The following GNB5 variants were observed in gnomAD, a reference collection of about 807,000 sequenced individuals.
GNB5 encodes the protein G protein subunit beta 5, also known as guanine nucleotide-binding protein subunit beta-5.
A neutral mutation model predicts 55.3 loss-of-function variants in GNB5; 37 were observed. That is an observed-to-expected ratio of 0.67 (90% CI 0.51 to 0.88). The LOEUF is 0.88. GNB5 is among the 40% of genes least tolerant of loss of function. GNB5 has a pLI of 0.00. For missense variants in GNB5, 476 were observed against 515.3 expected, an observed-to-expected ratio of 0.92 and a Z score of 0.74; for synonymous variants, 219 against 198.5, an observed-to-expected ratio of 1.10 and a Z score of -0.87.
intron 12 of GNB5, 98 bp from the exon 13 acceptor site, chr15:52,122,866 A>G: frequency 1.2e-6 from 1 of 842,500 alleles, no homozygotes; most frequent in Non-Finnish European, 2.1e-6. Flanking sequence ...ACACACATGC[A>G]TGGGCATACA....
rs1265981112 is a variant in GNB5 at position 52,115,181 on chromosome 15, G to A, written c.*7576C>T. ...ATTAAACTTTAGCAGCAAGAACATT[G>A]TTTTCTCTTAGATTTGCAGTAGCTT... On this transcript the variant is annotated 3_prime_UTR_variant, in exon 13 of 13. Coordinates refer to ENST00000261837, the MANE Select transcript of GNB5 (RefSeq NM_016194.4). 2.6e-5 allele frequency: 4 copies of A among 152,198 alleles called. No individual in the cohort carries two copies. Among genetic ancestry groups the A allele is most frequent in the African/African-American group, 9.7e-5 (4 of 41,450 alleles). 9.4% of individuals were successfully genotyped at this position (152,198 alleles called of 1,614,324 possible).
chr15:52,160,455 G>A (rs2034308245), intron 3 of GNB5, among the ~76,000 whole-genome samples: 2 of 152,182 alleles, frequency 1.3e-5, no homozygotes, highest in South Asian at 4.1e-4. Context: ...GACCCGGAGA[G>A]CAACGGGGCT....
At chr15:52,173,203 G>A (rs1239285105) in intron 3 of GNB5, among the ~76,000 whole-genome samples, 1 of 152,198 alleles carries the variant, frequency 6.6e-6, no homozygotes, top group African/African-American at 2.4e-5. Context: ...GAGTGATGAA[G>A]TGAACAATGA....
chr15:52,165,862 A>C (rs2034440860), intron 3 of GNB5, among the ~76,000 whole-genome samples: 1 of 152,220 alleles, frequency 6.6e-6, no homozygotes, highest in Non-Finnish European at 1.5e-5. Context: ...TTAAATGTAA[A>C]TGGGCTAAAT....
intron 11 of GNB5, chr15:52,125,715 A>G: frequency 2.5e-6 from 1 of 405,822 alleles, no homozygotes; most frequent in Non-Finnish European, 4.4e-6. Flanking sequence ...CTTGAAGGAC[A>G]GCATTAGGTG....
At chr15:52,153,301 G>A (rs1035494173) in intron 4 of GNB5, among the ~76,000 whole-genome samples, 3 of 152,200 alleles carry the variant, frequency 2.0e-5, no homozygotes, top group African/African-American at 4.8e-5. Context: ...CACCCTGGAA[G>A]TGAGTCTCCA....
intron 7 of GNB5, chr15:52,136,910 A>G (rs745827979): frequency 1.3e-4 from 56 of 438,154 alleles, no homozygotes; most frequent in Admixed American, 1.1e-3. Context: ...AAGTAAAAAT[A>G]ACTTAACTGC....
At chr15:52,138,314 C>T (rs537355439) in intron 7 of GNB5, 145 of 196,168 alleles carry the variant, frequency 7.4e-4, no homozygotes, top group African/African-American at 3.3e-3. Context: ...ACCTGGGAGG[C>T]GGAGGTTGCA....
At chr15:52,188,934 G>A (rs2034881646) in intron 1 of GNB5, among the ~76,000 whole-genome samples, 2 of 152,186 alleles carry the variant, frequency 1.3e-5, no homozygotes, top group South Asian at 4.1e-4. Flanking sequence ...AGCTTTGGTA[G>A]TCATGCAAAT....
At chr15:52,126,848 G>A (rs1386662946) in intron 10 of GNB5, among the ~76,000 whole-genome samples, 2 of 152,172 alleles carry the variant, frequency 1.3e-5, no homozygotes, top group East Asian at 3.8e-4. Flanking sequence ...AGGCTGGAGT[G>A]CAATGGCGCT....
rs989100128 is a variant in GNB5 at position 52,119,576 on chromosome 15, T to G, written c.*3181A>C. 6.7e-6 allele frequency: 1 copy of G among 149,824 alleles called. No homozygotes were observed. 9.3% of individuals were successfully genotyped at this position (149,824 alleles called of 1,614,324 possible). A position where few individuals can be genotyped will look rare whatever the true frequency, so the allele number is the denominator to read the frequency against. On this transcript the variant is annotated 3_prime_UTR_variant, in exon 13 of 13. Coordinates refer to ENST00000261837, the MANE Select transcript of GNB5 (RefSeq NM_016194.4). ...GGAGGGGGGCAAATAGGAAGGGGAC[T>G]GAGGAGGACACAGGGAGAAGCTGGG...
chr15:52,177,707 T>A (rs2034679522), intron 3 of GNB5, among the ~76,000 whole-genome samples: 2 of 148,442 alleles, frequency 1.3e-5, no homozygotes, highest in African/African-American at 2.5e-5. Context: ...GGCTGGGAGA[T>A]CAGGAGACAT....
intron 3 of GNB5, among the ~76,000 whole-genome samples, chr15:52,175,859 G>A (rs1162146744): frequency 1.3e-5 from 2 of 152,024 alleles, no homozygotes; most frequent in South Asian, 2.1e-4. Context: ...GACCAGCCTG[G>A]TTAACACAGT....
intron 3 of GNB5, among the ~76,000 whole-genome samples, chr15:52,162,051 T>C (rs911353610): frequency 6.6e-6 from 1 of 152,086 alleles, no homozygotes; most frequent in African/African-American, 2.4e-5. Context: ...ATATCACATC[T>C]ACCCCTGGAG....
intron 4 of GNB5, 68 bp from the exon 5 acceptor site, chr15:52,149,993 A>T: frequency 8.4e-7 from 1 of 1,195,188 alleles, no homozygotes; most frequent in Non-Finnish European, 1.3e-6. Flanking sequence ...AGAATTCCTC[A>T]TAAAAGCTGT....
intron 3 of GNB5, among the ~76,000 whole-genome samples, chr15:52,173,531 G>A (rs2034591988): frequency 6.6e-6 from 1 of 152,238 alleles, no homozygotes. Flanking sequence ...CAAGCTTGAT[G>A]GTCTGAAGCT....
chr15:52,179,283 T>G (rs1445239835), intron 3 of GNB5, among the ~76,000 whole-genome samples: 1 of 151,928 alleles, frequency 6.6e-6, no homozygotes, highest in African/African-American at 2.4e-5. Flanking sequence ...AAAATGAGCT[T>G]TGAAATTGCA....
At chr15:52,145,473 C>T in intron 6 of GNB5, among the ~76,000 whole-genome samples, 1 of 145,898 alleles carries the variant, frequency 6.9e-6, no homozygotes, top group Non-Finnish European at 1.5e-5. Flanking sequence ...AACCCCATCT[C>T]TGCAAAAAAA....
At chr15:52,185,953 A>G (rs2034840674) in intron 1 of GNB5, among the ~76,000 whole-genome samples, 1 of 151,900 alleles carries the variant, frequency 6.6e-6, no homozygotes, top group Non-Finnish European at 1.5e-5. Context: ...TAATTTTTGT[A>G]TTTTTAGTAG....
Sources: allele counts gnomAD v4.1 joint callset (sites outside exome capture counted in the v4.1 genomes callset), GRCh38; gene constraint gnomAD v4.1.1; transcripts MANE v1.5; gene names NCBI Gene and HGNC (gene_info 2026-07-23, HGNC 2026-07-21).